SERBP1: variants seen among roughly 807,000 people sequenced by gnomAD.
SERBP1 encodes SERPINE1 mRNA binding protein 1, also known as SERPINE1 mRNA-binding protein 1.
In SERBP1, 6 loss-of-function variants were observed where a neutral mutation model predicts 50.2. The observed-to-expected ratio is 0.12, with a 90% CI of 0.07 to 0.24. The LOEUF (loss-of-function observed/expected upper bound fraction) is 0.24. Among genes scored for constraint, SERBP1 ranks in the 10% least tolerant of loss-of-function variants. The probability of loss-of-function intolerance (pLI) is 1.00; values close to 1 mark genes in which losing one functional copy is unlikely to be tolerated. For synonymous variants in SERBP1, 168 were observed against 182.8 expected, an observed-to-expected ratio of 0.92 and a Z score of 0.65; for missense variants, 346 against 524.9, an observed-to-expected ratio of 0.66 and a Z score of 3.33.
chr1:67,426,090 A>G (rs758662898), intron 2 of SERBP1, 45 bp downstream of exon 2: 1 of 1,542,362 alleles, frequency 6.5e-7, no homozygotes, highest in Admixed American at 1.9e-5. Context: ...ACTCCAGCCT[A>G]CATGTTAGAC....
At chr1:67,419,936 T>A (rs1370238971) in intron 6 of SERBP1, 73 bp downstream of exon 6, 7 of 1,406,304 alleles carry the variant, frequency 5.0e-6, no homozygotes, top group Non-Finnish European at 6.9e-6. Context: ...CATGTGAAAT[T>A]TTAAAACAAA....
chr1:67,424,032 A>G (rs553204174), intron 5 of SERBP1, among the ~76,000 whole-genome samples, 168 bp downstream of exon 5: 1 of 152,358 alleles, frequency 6.6e-6, no homozygotes, highest in East Asian at 1.9e-4. Context: ...AAAAAAGAAA[A>G]AAAAAGCATT....
intron 7 of SERBP1, among the ~76,000 whole-genome samples, chr1:67,413,476 C>G (rs1408474805): frequency 6.6e-6 from 1 of 151,950 alleles, no homozygotes; most frequent in Non-Finnish European, 1.5e-5. Flanking sequence ...TGGTGAAATC[C>G]TGTCTGTACT....
At chr1:67,429,924 A>G in intron 1 of SERBP1, 64 bp downstream of exon 1, 3 of 1,484,990 alleles carry the variant, frequency 2.0e-6, no homozygotes, top group Non-Finnish European at 2.7e-6. Context: ...AACAAGTGGC[A>G]GCCGGCAGCC....
intron 1 of SERBP1, among the ~76,000 whole-genome samples, chr1:67,426,934 T>C (rs1254178994): frequency 6.6e-6 from 1 of 152,136 alleles, no homozygotes; most frequent in Non-Finnish European, 1.5e-5. Flanking sequence ...CCAGAAAAAG[T>C]GTCATCTTTT....
At chr1:67,416,011 CTTTTTTTTTTT>C (rs376512995) in intron 6 of SERBP1, among the ~76,000 whole-genome samples, 1 of 125,342 alleles carries the variant, frequency 8.0e-6, no homozygotes. Flanking sequence ...TCACAGGAAC[CTTTTTTTTTTT>C]TTTTTTTTGA....
At chr1:67,419,956 T>C (rs1667150990) in intron 6 of SERBP1, 53 bp downstream of exon 6, 1 of 1,501,020 alleles carries the variant, frequency 6.7e-7, no homozygotes, top group Middle Eastern at 1.7e-4. Context: ...AAATTATAAA[T>C]ACAATTCAAG....
intron 1 of SERBP1, among the ~76,000 whole-genome samples, chr1:67,428,120 G>A (rs1056801721): frequency 9.9e-5 from 15 of 152,144 alleles, no homozygotes; most frequent in Admixed American, 4.6e-4. Context: ...ATCTCAAAAC[G>A]GGTATTGTCC....
chr1:67,420,433 T>A (rs1667163350), intron 5 of SERBP1: 1 of 377,400 alleles, frequency 2.6e-6, no homozygotes, highest in Non-Finnish European at 4.7e-6. Context: ...AATGATCATT[T>A]ATCAGTAATA....
Position 67,412,614 on chromosome 1 carries a change from T to TAA in SERBP1, c.*591_*592dup, listed in dbSNP as rs1666879046. 4 of 152,730 alleles carry TAA rather than the reference T, an allele frequency of 2.6e-5. No individual in the cohort carries two copies. The highest frequency in any genetic ancestry group is 9.6e-5 in the African/African-American group (4 of 41,460). 9.5% of individuals were successfully genotyped at this position (152,730 alleles called of 1,614,324 possible). On this transcript the variant is annotated 3_prime_UTR_variant, in exon 8 of 8. Transcript: ENST00000361219. ...TATATAAAGATTTAGCATATATATA[T>TAA]AACAGCTATCATGAGAAGTGAAAAA...
At position 67,420,155 on chromosome 1, in the gene SERBP1, C is replaced by T. The variant is rs749718037; in HGVS notation, c.805G>A (p.Gly269Ser). ...ENEVEEVKEE[G>S]PKEMTLDEWK... is the part of the protein sequence containing the mutation. ...TCATCCAAAGTCATCTCTTTTGGAC[C>T]CTCCTCTTTTACCTCTTCAACTTCA... The change falls in exon 6 of 8, where the codon GGT becomes AGT. Residue 269 changes from glycine to serine, a missense_variant. Physicochemically the swap from Gly to Ser is moderately conservative, Grantham distance 56 (BLOSUM62 0). This residue lies in a region of SERBP1 where 257 missense variants were observed against 331.2 expected (regional missense o/e 0.78). Transcript: ENST00000361219. The T allele has an allele frequency of 6.2e-7, 1 of 1,613,132 alleles. No homozygotes were observed. Among genetic ancestry groups the T allele is most frequent in the Non-Finnish European group, 8.5e-7 (1 of 1,179,618 alleles).
intron 2 of SERBP1, 101 bp downstream of exon 2, chr1:67,426,034 G>A (rs1667362908): frequency 1.0e-6 from 1 of 964,114 alleles, no homozygotes; most frequent in African/African-American, 1.7e-5. Context: ...AGGATCATTT[G>A]AGCCCAGGAA....
At position 67,413,041 on chromosome 1, in the gene SERBP1, G is replaced by A. The variant is rs570081375; in HGVS notation, c.*166C>T. 19 of 819,026 alleles carry A rather than the reference G, an allele frequency of 2.3e-5. No individual in the cohort carries two copies. The highest frequency in any genetic ancestry group is 3.3e-5 in the Non-Finnish European group (18 of 551,180). The allele number at this position is 819,026 out of a possible 1,614,324, so 50.7% of individuals were successfully genotyped here. On this transcript the variant is annotated 3_prime_UTR_variant, in exon 8 of 8. Transcript: ENST00000361219. ...ACCATATTTGTTACTTCTGTGTAGC[G>A]GGAGAAGTTCATTTTTAAAACAGAT...
Position 67,408,127 on chromosome 1 carries a change from T to G in SERBP1, c.*5080A>C, listed in dbSNP as rs1225418314. The G allele has an allele frequency of 6.6e-6, 1 of 152,198 alleles. No individual in the cohort carries two copies. The highest frequency in any genetic ancestry group is 2.4e-5 in the African/African-American group (1 of 41,464). 9.4% of individuals were successfully genotyped at this position (152,198 alleles called of 1,614,324 possible). ...AATCCTTAATATTAGCCCTTCACTTTCCATGCTTCCACCCAGTAACACCTA... is the reference window on the plus strand; with the variant it reads ...AATCCTTAATATTAGCCCTTCACTTGCCATGCTTCCACCCAGTAACACCTA... On this transcript the variant is annotated 3_prime_UTR_variant, in exon 8 of 8. Coordinates refer to ENST00000361219, the MANE Select transcript of SERBP1 (RefSeq NM_001018069.2).
rs1667528303 is a variant in SERBP1 at position 67,430,145 on chromosome 1, C to G, written c.156G>C (p.Lys52Asn). The change falls in exon 1 of 8, where the codon AAG becomes AAC. Residue 52 changes from lysine to asparagine, a missense_variant. By Grantham distance (94) the Lys-to-Asn change is moderately conservative (BLOSUM62 0). Transcript: ENST00000361219. The part of the protein sequence containing the change: ...GGGGVGGPGA[K>N]SAAQAAAQTN... ...TCTGGGCCGCGGCCTGAGCTGCGCTCTTGGCCCCAGGGCCCCCAACGCCGC... is the reference window on the plus strand; with the variant it reads ...TCTGGGCCGCGGCCTGAGCTGCGCTGTTGGCCCCAGGGCCCCCAACGCCGC... The G allele has an allele frequency of 1.2e-6, 2 of 1,611,440 alleles. No individual in the cohort carries two copies. The highest frequency in any genetic ancestry group is 1.7e-6 in the Non-Finnish European group (2 of 1,179,698).
chr1:67,427,083 T>A (rs1190385565), intron 1 of SERBP1, among the ~76,000 whole-genome samples: 2 of 152,198 alleles, frequency 1.3e-5, no homozygotes, highest in Non-Finnish European at 2.9e-5. Context: ...AGTTACTTAT[T>A]ATGCATGGAG....
chr1:67,413,831 C>T (rs1305953352), intron 7 of SERBP1, among the ~76,000 whole-genome samples: 1 of 151,504 alleles, frequency 6.6e-6, no homozygotes, highest in Non-Finnish European at 1.5e-5. Flanking sequence ...TTTTTGGAGA[C>T]AGTCTTACTC....
chr1:67,428,675 ATT>A (rs60435086), intron 1 of SERBP1, among the ~76,000 whole-genome samples: 68,155 of 145,234 alleles, frequency 0.47, 17,734 homozygotes, highest in Non-Finnish European at 0.58. Context: ...AGAATTAATT[ATT>A]TTCTTTTATT....
At chr1:67,422,279 C>A (rs944369544) in intron 5 of SERBP1, among the ~76,000 whole-genome samples, 1 of 151,950 alleles carries the variant, frequency 6.6e-6, no homozygotes, top group African/African-American at 2.4e-5. Context: ...TTTGGGAGGC[C>A]AAGGAGGGCA....
Sources: allele counts gnomAD v4.1 joint callset (sites outside exome capture counted in the v4.1 genomes callset), GRCh38; gene constraint gnomAD v4.1.1; regional missense constraint gnomAD v4.1.1; transcripts MANE v1.5; gene names NCBI Gene and HGNC (gene_info 2026-07-23, HGNC 2026-07-21).